Variants in TBC1D23 observed in about 807,000 individuals in gnomAD.
TBC1D23 encodes the protein HCV non-structural protein 4A-transactivated protein 1.
In TBC1D23, 55 loss-of-function variants were observed where a neutral mutation model predicts 91.4. The ratio of observed to expected loss-of-function variants is 0.60; its 90% CI spans 0.48 to 0.75. The LOEUF is 0.75. Among genes scored for constraint, TBC1D23 ranks in the 30% least tolerant of loss-of-function variants. TBC1D23 has a pLI of 0.00. For missense variants in TBC1D23, 725 were observed against 836.1 expected (o/e 0.87, Z 1.64); for synonymous variants, 289 against 281.0 (o/e 1.03, Z -0.28).
At chr3:100,266,856 T>C (rs2067562230) in intron 1 of TBC1D23, among the ~76,000 whole-genome samples, 1 of 152,234 alleles carries the variant, frequency 6.6e-6, no homozygotes, top group South Asian at 2.1e-4. Flanking sequence ...AAAGCATTTC[T>C]GATGCACAGT....
chr3:100,310,074 G>C (rs1376435690), intron 13 of TBC1D23, among the ~76,000 whole-genome samples: 1 of 152,154 alleles, frequency 6.6e-6, no homozygotes, highest in Admixed American at 6.5e-5. Flanking sequence ...AGTTTATCCT[G>C]AGGCCTCTCT....
In TBC1D23 at chr3:100,323,569, A is replaced by ATT; in HGVS notation, c.2019-11_2019-10dup. ...TGTATATATATATGTATATATATGT[A>ATT]TTTTTTTTCCCCCTTAGGTATTTGA... On this transcript the variant is annotated splice_polypyrimidine_tract_variant and intron_variant, in intron 18 of 18. Coordinates refer to ENST00000394144, the MANE Select transcript of TBC1D23 (RefSeq NM_001199198.3). 7.5e-7 allele frequency: 1 copy of ATT among 1,334,398 alleles called. No individual in the cohort carries two copies. The highest frequency in any genetic ancestry group is 9.9e-7 in the Non-Finnish European group (1 of 1,007,578). 82.7% of individuals were successfully genotyped at this position (1,334,398 alleles called of 1,614,324 possible).
At chr3:100,273,258 A>G (rs2067616221) in intron 1 of TBC1D23, among the ~76,000 whole-genome samples, 1 of 152,220 alleles carries the variant, frequency 6.6e-6, no homozygotes, top group South Asian at 2.1e-4. Context: ...AACAAAGCAC[A>G]TCTTGCACAG....
intron 1 of TBC1D23, among the ~76,000 whole-genome samples, chr3:100,272,707 C>T (rs2067610075): frequency 6.6e-6 from 1 of 152,186 alleles, no homozygotes; most frequent in Admixed American, 6.5e-5. Flanking sequence ...GGGGATGTGG[C>T]AGGGTCATAG....
chr3:100,262,738 A>C (rs2067523057), intron 1 of TBC1D23, among the ~76,000 whole-genome samples: 1 of 151,430 alleles, frequency 6.6e-6, no homozygotes, highest in African/African-American at 2.4e-5. Flanking sequence ...AAAAAAAAAA[A>C]AAAAAAACAC....
Position 100,319,180 on chromosome 3 carries a change from A to G in TBC1D23, c.1799A>G (p.Lys600Arg), listed in dbSNP as rs1705806932. 6.2e-7 allele frequency: 1 copy of G among 1,608,494 alleles called. No homozygotes were observed. ...VKHHFPCKEV[K>R]ESGHMFPSHL... The stretch of plus-strand genomic sequence containing the variant: ...CATCATTTTCCTTGTAAAGAAGTAA[A>G]AGAAAGTGGACACATGTTTCCCAGG... Residue 600 changes from lysine to arginine, a missense_variant, in exon 17 of 19, where the codon AAA becomes AGA. Physicochemically the swap from Lys to Arg is conservative, Grantham distance 26 (BLOSUM62 2). Coordinates refer to ENST00000394144, the MANE Select transcript of TBC1D23 (RefSeq NM_001199198.3).
chr3:100,274,291 G>A (rs1364685006), intron 1 of TBC1D23, among the ~76,000 whole-genome samples: 1 of 151,994 alleles, frequency 6.6e-6, no homozygotes, highest in African/African-American at 2.4e-5. Flanking sequence ...TAAGCATTGT[G>A]GTGCTTTTTC....
At chr3:100,304,773 G>C (rs1013404218) in intron 11 of TBC1D23, 73 bp from the exon 12 acceptor site, 11 of 766,504 alleles carry the variant, frequency 1.4e-5, no homozygotes, top group Non-Finnish European at 2.1e-5. Context: ...GTATTTATCA[G>C]TGTTTTAGAA....
intron 1 of TBC1D23, 151 bp downstream of exon 1, chr3:100,261,222 G>A: frequency 1.4e-6 from 1 of 702,100 alleles, no homozygotes; most frequent in Non-Finnish European, 2.4e-6. Flanking sequence ...TCTGCCAGCT[G>A]GGTGCCCCCT....
At position 100,263,093 on chromosome 3, in the gene TBC1D23, C is replaced by G. The variant is rs149852569; in HGVS notation, c.53+2022C>G. On this transcript the variant is annotated intron_variant, in intron 1 of 18. Coordinates refer to ENST00000394144, the MANE Select transcript of TBC1D23 (RefSeq NM_001199198.3). ...CACCTGGGTGCAGGCGGGCTGAGTC[C>G]GAAAAGAGAGTCAGCGAAGGGAGAT... 6.8e-3 allele frequency among the ~76,000 whole-genome samples: 1,039 copies of G among 152,176 alleles called. 16 individuals carry two copies. Among genetic ancestry groups the G allele is most frequent in the African/African-American group, 0.024 (1,000 of 41,498 alleles).
intron 4 of TBC1D23, among the ~76,000 whole-genome samples, chr3:100,285,326 A>T (rs1352417624): frequency 6.6e-6 from 1 of 152,248 alleles, no homozygotes; most frequent in Non-Finnish European, 1.5e-5. Context: ...ATGATTCTGT[A>T]TATAAGGAAT....
chr3:100,277,666 C>T (rs577604949), intron 1 of TBC1D23, among the ~76,000 whole-genome samples: 22 of 152,320 alleles, frequency 1.4e-4, no homozygotes, highest in African/African-American at 3.6e-4. Flanking sequence ...AAAATAATTT[C>T]ATCCCAGTAA....
chr3:100,320,114 TC>T (rs1705823434), intron 17 of TBC1D23, among the ~76,000 whole-genome samples: 1 of 151,928 alleles, frequency 6.6e-6, no homozygotes, highest in African/African-American at 2.4e-5. Flanking sequence ...GCAGAACTCA[TC>T]CCCCCACCCC....
chr3:100,301,784 A>C (rs1358287812), intron 10 of TBC1D23: 2 of 291,106 alleles, frequency 6.9e-6, no homozygotes, highest in Non-Finnish European at 1.3e-5. Flanking sequence ...GCTACTTGTT[A>C]TTTAAGAAAA....
At chr3:100,261,108 T>A (rs2067506460) in intron 1 of TBC1D23, 37 bp downstream of exon 1, 1 of 1,590,260 alleles carries the variant, frequency 6.3e-7, no homozygotes, top group East Asian at 2.2e-5. Context: ...AATGCCCCTT[T>A]ATTCTTCCTT....
intron 5 of TBC1D23, among the ~76,000 whole-genome samples, chr3:100,292,997 G>A (rs2067805132): frequency 6.6e-6 from 1 of 152,140 alleles, no homozygotes; most frequent in Non-Finnish European, 1.5e-5. Flanking sequence ...TTTAATAATA[G>A]AGGTCTCTCT....
At chr3:100,317,281 A>C (rs1171592191) in intron 16 of TBC1D23, among the ~76,000 whole-genome samples, 1 of 151,968 alleles carries the variant, frequency 6.6e-6, no homozygotes, top group African/African-American at 2.4e-5. Flanking sequence ...CCCAAATCTC[A>C]CCTTGCTTTT....
chr3:100,281,603 C>CT (rs1330753352), intron 2 of TBC1D23, 139 bp from the exon 3 acceptor site: 1 of 506,908 alleles, frequency 2.0e-6, no homozygotes, highest in African/African-American at 2.0e-5. Context: ...ACTAAATACT[C>CT]AACATTTGGT....
intron 13 of TBC1D23, among the ~76,000 whole-genome samples, chr3:100,307,200 T>G (rs927647869): frequency 1.3e-5 from 2 of 152,252 alleles, no homozygotes; most frequent in Non-Finnish European, 1.5e-5. Flanking sequence ...GCTTTTCCAG[T>G]ACTTCAATAT....
Sources: allele counts gnomAD v4.1 joint callset (sites outside exome capture counted in the v4.1 genomes callset), GRCh38; gene constraint gnomAD v4.1.1; transcripts MANE v1.5; gene names NCBI Gene and HGNC (gene_info 2026-07-23, HGNC 2026-07-21).